Variants in XRCC4 observed in about 807,000 individuals in gnomAD.
XRCC4 encodes the protein DNA repair protein XRCC4.
XRCC4 carries 28 observed loss-of-function variants against 39.1 expected under a neutral mutation model. The ratio of observed to expected loss-of-function variants is 0.72; its 90% CI spans 0.53 to 0.98. XRCC4 has a LOEUF of 0.98. XRCC4 is among the 50% of genes least tolerant of loss of function. The pLI is 0.00. For synonymous variants in XRCC4, 123 were observed against 126.4 expected (o/e 0.97, Z 0.18); for missense variants, 350 against 376.4 (o/e 0.93, Z 0.58).
intron 7 of XRCC4, among the ~76,000 whole-genome samples, chr5:83,263,340 A>T (rs1753832285): frequency 6.6e-6 from 1 of 151,900 alleles, no homozygotes; most frequent in African/African-American, 2.4e-5. Context: ...CATGATTTAT[A>T]GTCCTTTGGG....
chr5:83,274,369 T>C (rs1453673722), intron 7 of XRCC4, among the ~76,000 whole-genome samples: 1 of 152,256 alleles, frequency 6.6e-6, no homozygotes, highest in Non-Finnish European at 1.5e-5. Context: ...TTTTGTACCT[T>C]CCCTGCTCAT....
intron 6 of XRCC4, among the ~76,000 whole-genome samples, chr5:83,225,586 C>T (rs1304064852): frequency 2.2e-5 from 3 of 134,058 alleles, no homozygotes; most frequent in Non-Finnish European, 4.6e-5. Flanking sequence ...GAGCTTGGTG[C>T]ATCGCCAAAT....
chr5:83,192,306 A>AATATATATAT (rs1032293813), intron 3 of XRCC4, among the ~76,000 whole-genome samples: 4 of 104,116 alleles, frequency 3.8e-5, no homozygotes, highest in Non-Finnish European at 8.2e-5. Flanking sequence ...ACGTATATAT[A>AATATATATAT]ATATATATAT....
At position 83,254,172 on chromosome 5, in the gene XRCC4, A is replaced by G. The variant is rs187678644; in HGVS notation, c.746-4358A>G. ...GTCGTGACAAAAAAAAATGATTGCAATATTAAACACTGAGAATTCTGGAGG... is the reference window on the plus strand; with the variant it reads ...GTCGTGACAAAAAAAAATGATTGCAGTATTAAACACTGAGAATTCTGGAGG... On this transcript the variant is annotated intron_variant, in intron 6 of 7. Transcript: ENST00000396027. 2.7e-3 allele frequency among the ~76,000 whole-genome samples: 417 copies of G among 151,856 alleles called. 9 individuals are homozygous for G. Among genetic ancestry groups the G allele is most frequent in the Non-Finnish European group, 1.9e-3 (131 of 67,972 alleles).
At chr5:83,302,817 CG>C (rs1755336683) in intron 7 of XRCC4, among the ~76,000 whole-genome samples, 1 of 152,122 alleles carries the variant, frequency 6.6e-6, no homozygotes, top group Non-Finnish European at 1.5e-5. Flanking sequence ...ACATTTGTTA[CG>C]TTTTTTAATC....
At chr5:83,119,851 C>T (rs1375312299) in intron 3 of XRCC4, among the ~76,000 whole-genome samples, 1 of 151,970 alleles carries the variant, frequency 6.6e-6, no homozygotes, top group East Asian at 1.9e-4. Flanking sequence ...GTGGGACATG[C>T]CTGTAGTCCC....
chr5:83,277,335 G>A (rs1754370203), intron 7 of XRCC4, among the ~76,000 whole-genome samples: 1 of 152,200 alleles, frequency 6.6e-6, no homozygotes, highest in South Asian at 2.1e-4. Flanking sequence ...AAAGTGACAT[G>A]TGTAACTTCT....
chr5:83,358,033 A>C (rs1757209188), downstream of XRCC4, among the ~76,000 whole-genome samples: 1 of 152,180 alleles, frequency 6.6e-6, no homozygotes, highest in Non-Finnish European at 1.5e-5. Flanking sequence ...ATATAGTAAC[A>C]AAAGAACTAT....
intron 7 of XRCC4, among the ~76,000 whole-genome samples, chr5:83,289,274 A>G (rs768342248): frequency 2.6e-5 from 4 of 151,760 alleles, no homozygotes; most frequent in Non-Finnish European, 4.4e-5. Flanking sequence ...TATGGTTTTG[A>G]TGCTTGTTTC....
chr5:83,112,946 C>A (rs531891472), intron 3 of XRCC4, among the ~76,000 whole-genome samples: 187 of 152,250 alleles, frequency 1.2e-3, no homozygotes, highest in African/African-American at 4.3e-3. Flanking sequence ...CCCAGCCCCT[C>A]CCAAATCTCA....
At chr5:83,353,798 A>G (rs906701496), downstream of XRCC4, 10 of 152,170 alleles carry the variant, frequency 6.6e-5, no homozygotes, top group African/African-American at 2.4e-4. Flanking sequence ...ATTTAGGTTA[A>G]CTTTTATTTT....
At chr5:83,312,465 A>G (rs947292382) in intron 7 of XRCC4, among the ~76,000 whole-genome samples, 3 of 152,184 alleles carry the variant, frequency 2.0e-5, no homozygotes, top group Admixed American at 2.0e-4. Context: ...CTGTTGTGTG[A>G]GGAGCATCAT....
intron 3 of XRCC4, among the ~76,000 whole-genome samples, chr5:83,130,231 G>A (rs990594580): frequency 1.6e-4 from 24 of 152,040 alleles, no homozygotes; most frequent in Non-Finnish European, 1.3e-4. Context: ...ATAATCATGT[G>A]GTTTTTGTCT....
At chr5:83,358,046 A>G (rs1358348697), downstream of XRCC4, among the ~76,000 whole-genome samples, 1 of 152,208 alleles carries the variant, frequency 6.6e-6, no homozygotes, top group Non-Finnish European at 1.5e-5. Context: ...AGAACTATTC[A>G]TGCATCCATT....
chr5:83,086,071 G>A (rs1046858826), intron 1 of XRCC4, among the ~76,000 whole-genome samples: 19 of 152,192 alleles, frequency 1.2e-4, no homozygotes, highest in African/African-American at 4.3e-4. Flanking sequence ...TGGGTATCAG[G>A]ACTTGTTTTC....
intron 6 of XRCC4, among the ~76,000 whole-genome samples, chr5:83,220,039 G>A (rs28360164): frequency 0.022 from 3,310 of 152,064 alleles, 126 homozygotes; most frequent in African/African-American, 0.076. Context: ...CTTAATATGA[G>A]GGTCTTTAGG....
intron 6 of XRCC4, among the ~76,000 whole-genome samples, chr5:83,220,967 G>C (rs981174295): frequency 3.9e-5 from 6 of 152,098 alleles, no homozygotes; most frequent in Non-Finnish European, 5.9e-5. Context: ...CATTTAAACA[G>C]GGCATTGGTT....
chr5:83,106,347 A>C (rs965354196), intron 2 of XRCC4, among the ~76,000 whole-genome samples: 4 of 152,126 alleles, frequency 2.6e-5, no homozygotes, highest in Non-Finnish European at 4.4e-5. Context: ...TCCTAGGGGA[A>C]GTGGTTGCTT....
chr5:83,107,811 A>G (rs1309305108), intron 2 of XRCC4, among the ~76,000 whole-genome samples: 1 of 151,948 alleles, frequency 6.6e-6, no homozygotes, highest in Non-Finnish European at 1.5e-5. Context: ...TTTGACTTAT[A>G]TGGAAATAGT....
Sources: allele counts gnomAD v4.1 joint callset (sites outside exome capture counted in the v4.1 genomes callset), GRCh38; gene constraint gnomAD v4.1.1; transcripts MANE v1.5; gene names NCBI Gene and HGNC (gene_info 2026-07-23, HGNC 2026-07-21).